Variants in VAV2 observed in about 807,000 individuals in gnomAD.
The protein encoded by VAV2 is vav guanine nucleotide exchange factor 2.
Under a neutral mutation model 132.5 loss-of-function variants are expected in VAV2, and 67 were observed. The observed-to-expected ratio is 0.51, with a 90% CI of 0.42 to 0.62. The LOEUF is 0.62. Among genes scored for constraint, VAV2 ranks in the 20% least tolerant of loss-of-function variants. The pLI is 0.00. For synonymous variants in VAV2, 492 were observed against 443.5 expected, an observed-to-expected ratio of 1.11 and a Z score of -1.37; for missense variants, 938 against 1,153.6, an observed-to-expected ratio of 0.81 and a Z score of 2.71.
At position 133,775,087 on chromosome 9, in the gene VAV2, G is replaced by A. The variant is rs779604840; in HGVS notation, c.2019-36C>T. 11 of 1,551,116 alleles carry A rather than the reference G, an allele frequency of 7.1e-6. No homozygotes were observed. The South Asian group carries it at 1.3e-4, about 18-fold the overall frequency. On this transcript the variant is annotated intron_variant, in intron 24 of 29. Coordinates refer to ENST00000371850, the MANE Select transcript of VAV2 (RefSeq NM_001134398.2). ...GGGCCGGGAGGAAACGAGAGCCGCA[G>A]TGAGGACAGTGTCTGAGGGGTGCCC...
In VAV2 at chr9:133,788,506, G is replaced by C; in HGVS notation, c.1275-20C>G. ...AAGTACCTGGGCCAGGCAGCGCAGCGGGGGATCAGCACCCCAGCACTGTGT... is the reference window on the plus strand; with the variant it reads ...AAGTACCTGGGCCAGGCAGCGCAGCCGGGGATCAGCACCCCAGCACTGTGT... On this transcript the variant is annotated intron_variant, in intron 14 of 29. Coordinates refer to ENST00000371850, the MANE Select transcript of VAV2 (RefSeq NM_001134398.2). The surrounding 1 kb of genome is among the most constrained non-coding windows in gnomAD (Gnocchi z 5.3). 6.2e-7 allele frequency: 1 copy of C among 1,601,136 alleles called. No homozygotes were observed. The highest frequency in any genetic ancestry group is 1.3e-5 in the African/African-American group (1 of 74,790).
chr9:133,822,517 A>G (rs538759309), intron 4 of VAV2, among the ~76,000 whole-genome samples: 8 of 152,210 alleles, frequency 5.3e-5, no homozygotes, highest in South Asian at 2.1e-4. Flanking sequence ...CGCTTTACAC[A>G]TCAGGGAGCT....
At chr9:133,942,572 T>A (rs996618552) in intron 1 of VAV2, among the ~76,000 whole-genome samples, 1 of 152,280 alleles carries the variant, frequency 6.6e-6, no homozygotes, top group African/African-American at 2.4e-5. Context: ...ATTTTTTGAA[T>A]ATGGCTTGTC....
chr9:133,940,065 C>G (rs1241852308), intron 1 of VAV2, among the ~76,000 whole-genome samples: 2 of 152,198 alleles, frequency 1.3e-5, no homozygotes, highest in Non-Finnish European at 2.9e-5. Context: ...GGTGAGGTGG[C>G]CCGGGGGGCA....
At chr9:133,845,262 G>T (rs1836887708) in intron 3 of VAV2, among the ~76,000 whole-genome samples, 1 of 152,272 alleles carries the variant, frequency 6.6e-6, no homozygotes, top group Non-Finnish European at 1.5e-5. Context: ...CCACGGGCTG[G>T]ATGGCAGGGG....
intron 21 of VAV2, among the ~76,000 whole-genome samples, chr9:133,779,655 T>C (rs12341301): frequency 0.056 from 8,476 of 152,304 alleles, 576 homozygotes; most frequent in African/African-American, 0.16. Flanking sequence ...TGGCCCTCCC[T>C]GGCTAGAAGG....
At chr9:133,872,086 G>A (rs1380062289) in intron 2 of VAV2, among the ~76,000 whole-genome samples, 1 of 152,252 alleles carries the variant, frequency 6.6e-6, no homozygotes, top group Non-Finnish European at 1.5e-5. Context: ...GAAAATCCTT[G>A]TGAGCTCCTC....
intron 2 of VAV2, among the ~76,000 whole-genome samples, chr9:133,887,229 T>C (rs1213555235): frequency 2.0e-5 from 3 of 152,114 alleles, no homozygotes; most frequent in East Asian, 1.9e-4. Flanking sequence ...TGGAAACTAA[T>C]TGCCTCAAAG....
chr9:133,915,081 T>C (rs555040078), intron 2 of VAV2, among the ~76,000 whole-genome samples: 1 of 152,258 alleles, frequency 6.6e-6, no homozygotes, highest in South Asian at 2.1e-4. Context: ...AACAGGCCGC[T>C]TGGCCGGAAG....
At chr9:133,821,032 C>T (rs572105780) in intron 4 of VAV2, among the ~76,000 whole-genome samples, 14 of 152,354 alleles carry the variant, frequency 9.2e-5, no homozygotes, top group Admixed American at 4.6e-4. Context: ...CACTCTCCCC[C>T]AGTCCTTGAA....
At chr9:133,845,517 C>T (rs200034688) in intron 3 of VAV2, among the ~76,000 whole-genome samples, 7 of 152,178 alleles carry the variant, frequency 4.6e-5, no homozygotes, top group Admixed American at 3.3e-4. Flanking sequence ...GACTGGGTGA[C>T]GCAGCAGCTG....
chr9:133,913,034 T>C (rs1045617233), intron 2 of VAV2, among the ~76,000 whole-genome samples: 2 of 152,166 alleles, frequency 1.3e-5, no homozygotes, highest in South Asian at 4.1e-4. Context: ...CCCAGGGCTG[T>C]TCGCAGACCG....
At chr9:133,970,878 T>C (rs1053010387) in intron 1 of VAV2, among the ~76,000 whole-genome samples, 3 of 152,280 alleles carry the variant, frequency 2.0e-5, no homozygotes, top group Non-Finnish European at 4.4e-5. Flanking sequence ...TCTCCCTGGT[T>C]AACAGATGTT....
At chr9:133,933,817 T>A in intron 2 of VAV2, among the ~76,000 whole-genome samples, 1 of 142,308 alleles carries the variant, frequency 7.0e-6, no homozygotes, top group African/African-American at 2.7e-5. Context: ...GATGGATGAA[T>A]GGATGAGTGG....
At chr9:133,933,952 G>GTGGA (rs1554812128) in intron 2 of VAV2, among the ~76,000 whole-genome samples, 1 of 130,042 alleles carries the variant, frequency 7.7e-6, no homozygotes, top group Non-Finnish European at 1.6e-5. Flanking sequence ...TGGATGGATG[G>GTGGA]TGGATGGATG....
rs544366213 is a variant in VAV2 at position 133,788,592 on chromosome 9, C to T, written c.1275-106G>A. ...AGGCTCTGGCACGCGGCTCCCTCTC[C>T]GGGCGAGCCCTGCCCTCACCTGGCT... On this transcript the variant is annotated intron_variant, in intron 14 of 29. Transcript: ENST00000371850. The surrounding 1 kb of genome is among the most constrained non-coding windows in gnomAD (Gnocchi z 5.3). The T allele has an allele frequency of 3.0e-4, 441 of 1,480,582 alleles. 6 individuals are homozygous for T. The South Asian group carries it at 5.0e-3, about 17-fold the overall frequency. 91.7% of individuals were successfully genotyped at this position (1,480,582 alleles called of 1,614,324 possible). A position where few individuals can be genotyped will look rare whatever the true frequency, so the allele number is the denominator to read the frequency against.
intron 1 of VAV2, among the ~76,000 whole-genome samples, chr9:133,990,701 T>TG (rs1464168900): frequency 3.9e-5 from 6 of 152,170 alleles, no homozygotes; most frequent in Admixed American, 3.9e-4. Context: ...AGCCATAAAA[T>TG]GGAGTCCAGA....
In VAV2 at chr9:133,991,671, G is replaced by C. The variant is rs1843023900; in HGVS notation, c.204+404C>G. Among the ~76,000 whole-genome samples, 1 of 151,376 alleles carries C rather than the reference G, an allele frequency of 6.6e-6. No individual in the cohort carries two copies. On this transcript the variant is annotated intron_variant, in intron 1 of 29. Transcript: ENST00000371850. This position sits in a 1 kb window ranked among gnomAD's most constrained non-coding sequence, Gnocchi z 4.8. ...GCGCCCGCTCTTCCACCGGCGTCCGGCCAGGAGGCGCGAGGCCCAAGGATG... is the reference window on the plus strand; with the variant it reads ...GCGCCCGCTCTTCCACCGGCGTCCGCCCAGGAGGCGCGAGGCCCAAGGATG...
intron 10 of VAV2, 97 bp downstream of exon 10, chr9:133,797,613 A>G: frequency 1.8e-6 from 2 of 1,117,620 alleles, no homozygotes; most frequent in South Asian, 3.1e-5. Context: ...CCACCTTCCC[A>G]ACAAATGGGC....
Sources: allele counts gnomAD v4.1 joint callset (sites outside exome capture counted in the v4.1 genomes callset), GRCh38; gene constraint gnomAD v4.1.1; non-coding constraint Gnocchi (gnomAD v3.1); transcripts MANE v1.5; gene names NCBI Gene and HGNC (gene_info 2026-07-23, HGNC 2026-07-21).